Variants in ANO6 observed in about 807,000 individuals in gnomAD.
ANO6 encodes anoctamin-6.
Under a neutral mutation model 117.5 loss-of-function variants are expected in ANO6, and 106 were observed. That is an observed-to-expected ratio of 0.90 (90% CI 0.77 to 1.06). The LOEUF (loss-of-function observed/expected upper bound fraction) is 1.06, where lower values mean the gene tolerates loss of function less well. ANO6 is among the 50% of genes least tolerant of loss of function. The probability of loss-of-function intolerance (pLI) is 0.00; values close to 1 mark genes in which losing one functional copy is unlikely to be tolerated. For missense variants in ANO6, 955 were observed against 1,121.1 expected, an observed-to-expected ratio of 0.85 and a Z score of 2.12; for synonymous variants, 367 against 385.1, an observed-to-expected ratio of 0.95 and a Z score of 0.55.
intron 4 of ANO6, 80 bp downstream of exon 4, chr12:45,347,167 A>G (rs1240219982): frequency 1.5e-5 from 20 of 1,352,044 alleles, no homozygotes; most frequent in Non-Finnish European, 2.0e-5. Flanking sequence ...CTTGGGTGAC[A>G]TTGGAAACAT....
chr12:45,417,582 GAACAGTGTCA>G (rs1294029778), intron 17 of ANO6, among the ~76,000 whole-genome samples: 2 of 152,174 alleles, frequency 1.3e-5, no homozygotes, highest in African/African-American at 2.4e-5. Flanking sequence ...TGGGCCATCT[GAACAGTGTCA>G]TTTTTATGTA....
At chr12:45,373,889 G>GA (rs775294637) in intron 9 of ANO6, among the ~76,000 whole-genome samples, 2 of 151,744 alleles carry the variant, frequency 1.3e-5, no homozygotes, top group African/African-American at 4.8e-5. Flanking sequence ...AATAGAGACA[G>GA]AAAAAACCCT....
At chr12:45,407,224 T>A (rs758688048) in intron 15 of ANO6, among the ~76,000 whole-genome samples, 7 of 152,152 alleles carry the variant, frequency 4.6e-5, no homozygotes, top group African/African-American at 1.4e-4. Flanking sequence ...TGACCTGATA[T>A]GAGACGGAAG....
At chr12:45,240,200 G>T (rs1178808840) in intron 1 of ANO6, among the ~76,000 whole-genome samples, 1 of 151,798 alleles carries the variant, frequency 6.6e-6, no homozygotes, top group East Asian at 1.9e-4. Context: ...TATGAATCTG[G>T]GTGCTCCTGT....
Position 45,216,407 on chromosome 12 carries a change from C to A in ANO6, c.70+16C>A. The A allele has an allele frequency of 6.2e-7, 1 of 1,608,408 alleles. No individual in the cohort carries two copies. Among genetic ancestry groups the A allele is most frequent in the East Asian group, 2.2e-5 (1 of 44,646 alleles). ...GGGGATATCGGTGAGCGAGGGGTCCCCGCGTCCCCACCCGAGAGCCCGAGC... is the reference window on the plus strand; with the variant it reads ...GGGGATATCGGTGAGCGAGGGGTCCACGCGTCCCCACCCGAGAGCCCGAGC... On this transcript the variant is annotated intron_variant, in intron 1 of 19. Transcript: ENST00000320560.
chr12:45,314,425 A>G (rs1323284848), intron 2 of ANO6, among the ~76,000 whole-genome samples: 1 of 131,482 alleles, frequency 7.6e-6, no homozygotes, highest in Non-Finnish European at 1.6e-5. Context: ...CCTGGGCAAC[A>G]TAATGAGACC....
At chr12:45,251,772 A>T (rs1221718580) in intron 1 of ANO6, among the ~76,000 whole-genome samples, 1 of 152,178 alleles carries the variant, frequency 6.6e-6, no homozygotes, top group Non-Finnish European at 1.5e-5. Flanking sequence ...TTTAAAGTTG[A>T]TATAGTCCCA....
At chr12:45,343,607 A>G (rs1460935670) in intron 3 of ANO6, among the ~76,000 whole-genome samples, 1 of 152,246 alleles carries the variant, frequency 6.6e-6, no homozygotes, top group Non-Finnish European at 1.5e-5. Context: ...ATTCTTACTT[A>G]CCAGTATCAT....
At chr12:45,392,430 A>G (rs922346568) in intron 12 of ANO6, among the ~76,000 whole-genome samples, 8 of 152,228 alleles carry the variant, frequency 5.3e-5, no homozygotes, top group Admixed American at 4.6e-4. Flanking sequence ...GGCATAGCTG[A>G]ACAAAAGGCA....
chr12:45,434,860 C>T (rs117607906), downstream of ANO6, among the ~76,000 whole-genome samples: 14 of 152,298 alleles, frequency 9.2e-5, no homozygotes, highest in East Asian at 2.5e-3. Flanking sequence ...CTCATGGGAT[C>T]CCATAGAGAA....
chr12:45,373,367 G>T (rs972812746), intron 9 of ANO6, among the ~76,000 whole-genome samples: 3 of 151,260 alleles, frequency 2.0e-5, no homozygotes, highest in Non-Finnish European at 3.0e-5. Flanking sequence ...AGACCTAATA[G>T]ACATCTACAG....
At chr12:45,231,914 A>AT (rs1366301817) in intron 1 of ANO6, among the ~76,000 whole-genome samples, 1 of 152,160 alleles carries the variant, frequency 6.6e-6, no homozygotes, top group Non-Finnish European at 1.5e-5. Flanking sequence ...GGCCTGTTTT[A>AT]TACTTCAAAA....
chr12:45,416,733 C>T lies in ANO6; in HGVS notation c.2046C>T (p.Ala682=). The change falls in exon 17 of 20, where the codon GCC becomes GCT. Residue 682 remains alanine (A), a synonymous_variant. Transcript: ENST00000320560. Reference sequence around the variant, plus strand: ...TTGGGTTCGTCACCTTATTTGTGGCCTCTTTTCCACTGGCCCCTCTGTTGG... The same window carrying T: ...TTGGGTTCGTCACCTTATTTGTGGCTTCTTTTCCACTGGCCCCTCTGTTGG... ...IQFGFVTLFV[A]SFPLAPLLAL... is the part of the protein sequence containing the mutation. 1 of 1,614,102 alleles carries T rather than the reference C, an allele frequency of 6.2e-7. No individual in the cohort carries two copies. The highest frequency in any genetic ancestry group is 1.1e-5 in the South Asian group (1 of 91,082).
chr12:45,349,534 A>G (rs1249017604), intron 6 of ANO6, among the ~76,000 whole-genome samples: 1 of 152,230 alleles, frequency 6.6e-6, no homozygotes, highest in Non-Finnish European at 1.5e-5. Flanking sequence ...TTGCATTATT[A>G]CTTTGTTATA....
intron 13 of ANO6, among the ~76,000 whole-genome samples, chr12:45,402,842 G>A (rs1942828409): frequency 6.6e-6 from 1 of 152,140 alleles, no homozygotes; most frequent in African/African-American, 2.4e-5. Flanking sequence ...GGGCAGGGGG[G>A]AACATGTGGG....
intron 8 of ANO6, among the ~76,000 whole-genome samples, chr12:45,359,048 T>C (rs1416673776): frequency 6.6e-6 from 1 of 152,192 alleles, no homozygotes; most frequent in Non-Finnish European, 1.5e-5. Flanking sequence ...CCTCCCAAAG[T>C]GCTGGGATTA....
At chr12:45,412,539 T>C (rs543196316) in intron 16 of ANO6, among the ~76,000 whole-genome samples, 37 of 152,350 alleles carry the variant, frequency 2.4e-4, no homozygotes, top group African/African-American at 7.2e-4. Context: ...ATGCCTCTGC[T>C]GCACTCTCCA....
intron 19 of ANO6, among the ~76,000 whole-genome samples, chr12:45,425,543 T>A (rs1429500441): frequency 1.3e-5 from 2 of 152,212 alleles, no homozygotes; most frequent in African/African-American, 4.8e-5. Flanking sequence ...GAGTAAGCTT[T>A]TCAACAGTAA....
chr12:45,276,177 C>CT (rs1938548352), intron 1 of ANO6, among the ~76,000 whole-genome samples: 1 of 152,132 alleles, frequency 6.6e-6, no homozygotes, highest in African/African-American at 2.4e-5. Context: ...ATTGTCCTTC[C>CT]TCTCCCCCCA....
Sources: allele counts gnomAD v4.1 joint callset (sites outside exome capture counted in the v4.1 genomes callset), GRCh38; gene constraint gnomAD v4.1.1; transcripts MANE v1.5; gene names NCBI Gene and HGNC (gene_info 2026-07-23, HGNC 2026-07-21).